The following RBFOX1 variants were observed in gnomAD, a reference collection of about 807,000 sequenced individuals.
RBFOX1 encodes RNA binding fox-1 homolog 1.
RBFOX1 carries 8 observed loss-of-function variants against 57.7 expected under a neutral mutation model. That is an observed-to-expected ratio of 0.14 (90% confidence interval 0.08 to 0.25). The LOEUF is 0.25. Among genes scored for constraint, RBFOX1 ranks in the 10% least tolerant of loss-of-function variants. The probability of loss-of-function intolerance (pLI) is 1.00; values close to 1 mark genes in which losing one functional copy is unlikely to be tolerated. For missense variants in RBFOX1, 611 were observed against 548.5 expected (o/e 1.11, Z -1.14); for synonymous variants, 326 against 222.4 (o/e 1.47, Z -4.15).
chr16:5,549,219 T>G (rs2045356314), intron 2 of RBFOX1, among the ~76,000 whole-genome samples: 1 of 152,176 alleles, frequency 6.6e-6, no homozygotes, highest in African/African-American at 2.4e-5. Context: ...GGAGCTGAAA[T>G]GCGGTCAGCA....
At chr16:6,888,297 G>C (rs2064604271) in intron 3 of RBFOX1, among the ~76,000 whole-genome samples, 1 of 152,170 alleles carries the variant, frequency 6.6e-6, no homozygotes. Context: ...CTTAAGTCCT[G>C]CTCTTGAAAG....
chr16:6,876,936 G>A (rs993782303), intron 3 of RBFOX1, among the ~76,000 whole-genome samples: 3 of 152,096 alleles, frequency 2.0e-5, no homozygotes, highest in African/African-American at 7.2e-5. Flanking sequence ...CTTTTTTCAA[G>A]TTTCTCAGTA....
chr16:5,796,054 T>C (rs1286419964), intron 3 of RBFOX1, among the ~76,000 whole-genome samples: 1 of 152,182 alleles, frequency 6.6e-6, no homozygotes, highest in Non-Finnish European at 1.5e-5. Context: ...ATCTAGTGCA[T>C]TTTCAGCTTG....
At chr16:6,616,629 C>G (rs539743237) in intron 2 of RBFOX1, among the ~76,000 whole-genome samples, 25 of 152,268 alleles carry the variant, frequency 1.6e-4, no homozygotes, top group African/African-American at 5.8e-4. Context: ...GAGCCGAGAT[C>G]GTGCCACTGC....
At chr16:5,406,842 C>A (rs1205771867) in intron 1 of RBFOX1, among the ~76,000 whole-genome samples, 3 of 152,080 alleles carry the variant, frequency 2.0e-5, no homozygotes, top group African/African-American at 7.2e-5. Context: ...ATAGTCAGAT[C>A]CGTGGGCACT....
At chr16:7,488,414 C>G (rs2065983803) in intron 4 of RBFOX1, among the ~76,000 whole-genome samples, 1 of 145,226 alleles carries the variant, frequency 6.9e-6, no homozygotes, top group African/African-American at 2.5e-5. Context: ...TATCTACTGT[C>G]TGCCTGTCTA....
chr16:5,595,859 G>C (rs1322219449), intron 2 of RBFOX1, among the ~76,000 whole-genome samples: 1 of 152,162 alleles, frequency 6.6e-6, no homozygotes, highest in Non-Finnish European at 1.5e-5. Context: ...TAAGAAGGAG[G>C]GTGCTAATCT....
intron 2 of RBFOX1, among the ~76,000 whole-genome samples, chr16:6,650,690 C>A (rs1223638171): frequency 1.3e-5 from 2 of 152,172 alleles, no homozygotes; most frequent in Non-Finnish European, 2.9e-5. Context: ...CTATACGAGT[C>A]TTCACCTTAT....
chr16:6,546,947 A>T (rs537345277), intron 2 of RBFOX1, among the ~76,000 whole-genome samples: 1 of 152,196 alleles, frequency 6.6e-6, no homozygotes. Flanking sequence ...TGGTCCGTAG[A>T]TTCAATTAAC....
intron 3 of RBFOX1, among the ~76,000 whole-genome samples, chr16:6,981,390 C>T (rs565217843): frequency 1.2e-4 from 19 of 152,200 alleles, no homozygotes; most frequent in Middle Eastern, 3.4e-3. Flanking sequence ...ATAATGGCCT[C>T]GAGGTCCATC....
chr16:6,851,489 A>G (rs1273842842), intron 3 of RBFOX1, among the ~76,000 whole-genome samples: 1 of 152,210 alleles, frequency 6.6e-6, no homozygotes, highest in Non-Finnish European at 1.5e-5. Flanking sequence ...TCCTTCATAT[A>G]ACAACTTAGA....
intron 2 of RBFOX1, among the ~76,000 whole-genome samples, chr16:6,463,377 G>A (rs75936117): frequency 2.6e-5 from 4 of 152,260 alleles, no homozygotes; most frequent in South Asian, 4.1e-4. Context: ...GTATTAAAGA[G>A]TTTTGCCTAC....
In RBFOX1 at chr16:6,707,529, T is replaced by TA. The variant is rs1287017870; in HGVS notation, c.-16+52880dup. Among the ~76,000 whole-genome samples the TA allele has an allele frequency of 1.3e-5, 2 of 149,014 alleles. 1 individual carries two copies. The highest frequency in any genetic ancestry group is 3.0e-5 in the Non-Finnish European group (2 of 67,726). On this transcript the variant is annotated intron_variant, in intron 3 of 15. Transcript: ENST00000550418. ...AACATCACTGCAGTGAACATCCTTG[T>TA]ACATGCATCTTGGGGCATTTCTAAG...
intron 4 of RBFOX1, among the ~76,000 whole-genome samples, chr16:7,400,701 G>C (rs1028936128): frequency 1.3e-5 from 2 of 152,106 alleles, no homozygotes; most frequent in African/African-American, 4.8e-5. Context: ...AGCTAGGGGA[G>C]GAAAAATTCT....
chr16:5,574,291 G>A (rs1390467341), intron 2 of RBFOX1, among the ~76,000 whole-genome samples: 2 of 152,194 alleles, frequency 1.3e-5, no homozygotes, highest in Non-Finnish European at 2.9e-5. Flanking sequence ...TGGAAAATGA[G>A]GATCTGATTG....
chr16:5,448,934 C>G (rs2068336269), intron 1 of RBFOX1, among the ~76,000 whole-genome samples: 1 of 152,122 alleles, frequency 6.6e-6, no homozygotes, highest in Non-Finnish European at 1.5e-5. Context: ...TCTCCTCCCA[C>G]TCTCTACTGC....
Position 6,688,953 on chromosome 16 carries a change from C to T in RBFOX1, c.-16+34303C>T, listed in dbSNP as rs542346278. Among the ~76,000 whole-genome samples, 21 of 150,204 alleles carry T rather than the reference C, an allele frequency of 1.4e-4. No individual in the cohort carries two copies. In the East Asian group the frequency reaches 1.7e-3, roughly 12 times the overall value. ...GTTTCCAGCTTCGTCCATGTCCCTGCGAAGGATATGAACTCATCCTTTTTT... is the reference window on the plus strand; with the variant it reads ...GTTTCCAGCTTCGTCCATGTCCCTGTGAAGGATATGAACTCATCCTTTTTT... On this transcript the variant is annotated intron_variant, in intron 3 of 15. Coordinates refer to ENST00000550418, the MANE Select transcript of RBFOX1 (RefSeq NM_018723.4).
At chr16:7,265,745 G>T (rs1375724810) in intron 4 of RBFOX1, among the ~76,000 whole-genome samples, 1 of 151,992 alleles carries the variant, frequency 6.6e-6, no homozygotes, top group Admixed American at 6.6e-5. Flanking sequence ...CACCATGCCT[G>T]GCCAGGTGTC....
At chr16:7,558,687 C>T (rs2089488953) in intron 5 of RBFOX1, among the ~76,000 whole-genome samples, 1 of 150,498 alleles carries the variant, frequency 6.6e-6, no homozygotes, top group Admixed American at 6.6e-5. Context: ...CTTCAACAGT[C>T]CACCAGCTAC....
Sources: allele counts gnomAD v4.1 joint callset (sites outside exome capture counted in the v4.1 genomes callset), GRCh38; gene constraint gnomAD v4.1.1; transcripts MANE v1.5; gene names NCBI Gene and HGNC (gene_info 2026-07-23, HGNC 2026-07-21).